Variants in DOK5 observed in about 807,000 individuals in gnomAD.
DOK5 encodes the protein docking protein 5.
In DOK5, 27 loss-of-function variants were observed where a neutral mutation model predicts 43.3. That is an observed-to-expected ratio of 0.62 (90% confidence interval 0.46 to 0.86). DOK5 has a LOEUF of 0.86. DOK5 is among the 40% of genes least tolerant of loss of function. The probability of loss-of-function intolerance (pLI) is 0.00; values close to 1 mark genes in which losing one functional copy is unlikely to be tolerated. For synonymous variants in DOK5, 146 were observed against 140.1 expected (o/e 1.04, Z -0.30); for missense variants, 373 against 392.9 (o/e 0.95, Z 0.43).
chr20:54,541,922 T>C lies in DOK5; in HGVS notation c.67-13011T>C, dbSNP rs1984174545. ...GAGCCCACCTCCCTCACATATCCAC[T>C]CTGTTGATTGCCTTGTCTCTTTCAA... is the stretch of plus-strand genomic sequence containing the variant. On this transcript the variant is annotated intron_variant, in intron 1 of 7. Coordinates refer to ENST00000262593, the MANE Select transcript of DOK5 (RefSeq NM_018431.5). Among the ~76,000 whole-genome samples, 4 of 152,130 alleles carry C rather than the reference T, an allele frequency of 2.6e-5. No individual in the cohort carries two copies. In the South Asian group the frequency reaches 8.3e-4, roughly 32 times the overall value.
rs550943378 is a variant in DOK5 at position 54,645,925 on chromosome 20, C to CAAAAAAAAAAAAAAAAAAAAAA, written c.856+2357_856+2378dup. ...AGAGCATGGCACATAGCAGATGCTG[C>CAAAAAAAAAAAAAAAAAAAAAA]AAAAAAAAAAAAAAAAAAAAAAAAA... On this transcript the variant is annotated intron_variant, in intron 7 of 7. Coordinates refer to ENST00000262593, the MANE Select transcript of DOK5 (RefSeq NM_018431.5). 2.3e-4 allele frequency among the ~76,000 whole-genome samples: 20 copies of CAAAAAAAAAAAAAAAAAAAAAA among 85,876 alleles called. 2 individuals carry two copies. The highest frequency in any genetic ancestry group is 6.0e-4 in the African/African-American group (14 of 23,150). 56.3% of individuals were successfully genotyped at this position (85,876 alleles called of 152,430 possible). A position where few individuals can be genotyped will look rare whatever the true frequency, so the allele number is the denominator to read the frequency against.
rs775553407 is a variant in DOK5, at chr20:54,610,519, C to G, written c.731C>G (p.Ser244Trp). ...HERLLQSVKN[S>W]MLQMKMSERA... ...CGCTTGCTACAGAGTGTGAAAAACT[C>G]GATGGTACGTTTGGAATTTCTTCCT... is the stretch of plus-strand genomic sequence containing the variant. Residue 244 changes from serine (S) to tryptophan (W), a missense_variant, in exon 6 of 8, where the codon TCG becomes TGG. Coordinates refer to ENST00000262593, the MANE Select transcript of DOK5 (RefSeq NM_018431.5). 1 of 1,494,544 alleles carries G rather than the reference C, an allele frequency of 6.7e-7. No individual in the cohort carries two copies. The highest frequency in any genetic ancestry group is 8.9e-7 in the Non-Finnish European group (1 of 1,117,808). The allele number at this position is 1,494,544 out of a possible 1,614,324, so 92.6% of individuals were successfully genotyped here.
At chr20:54,534,400 G>A (rs1983882693) in intron 1 of DOK5, among the ~76,000 whole-genome samples, 1 of 152,156 alleles carries the variant, frequency 6.6e-6, no homozygotes, top group Non-Finnish European at 1.5e-5. Context: ...TGTTGTCCAG[G>A]CTGGTCTTGA....
chr20:54,542,097 G>GACAC, intron 1 of DOK5, among the ~76,000 whole-genome samples: 1 of 107,450 alleles, frequency 9.3e-6, no homozygotes, highest in Non-Finnish European at 1.7e-5. Context: ...CATATTATAA[G>GACAC]ATACACACAC....
intron 6 of DOK5, among the ~76,000 whole-genome samples, chr20:54,637,958 T>TA (rs1376393287): frequency 6.6e-6 from 1 of 152,044 alleles, no homozygotes; most frequent in African/African-American, 2.4e-5. Context: ...CCGTCTCTAC[T>TA]AAAAATACAA....
intron 5 of DOK5, among the ~76,000 whole-genome samples, chr20:54,598,019 T>C (rs1256912344): frequency 6.6e-6 from 1 of 152,204 alleles, no homozygotes; most frequent in Non-Finnish European, 1.5e-5. Flanking sequence ...TAAATGTTCT[T>C]AGTTTGACTT....
chr20:54,495,436 A>T (rs1600661338), intron 1 of DOK5, among the ~76,000 whole-genome samples: 1 of 152,344 alleles, frequency 6.6e-6, no homozygotes, highest in African/African-American at 2.4e-5. Context: ...GTATTTGGCC[A>T]TCAAGTAGCC....
At chr20:54,478,483 G>T (rs1470486798) in intron 1 of DOK5, among the ~76,000 whole-genome samples, 1 of 152,194 alleles carries the variant, frequency 6.6e-6, no homozygotes, top group Non-Finnish European at 1.5e-5. Flanking sequence ...GTTGAAATAT[G>T]TGCTGAACTA....
chr20:54,637,766 A>T (rs978136636), intron 6 of DOK5, among the ~76,000 whole-genome samples: 1 of 152,348 alleles, frequency 6.6e-6, no homozygotes, highest in South Asian at 2.1e-4. Flanking sequence ...CATTCATCAC[A>T]CATTTGTTAA....
At chr20:54,491,059 G>C (rs1446407348) in intron 1 of DOK5, among the ~76,000 whole-genome samples, 1 of 152,222 alleles carries the variant, frequency 6.6e-6, no homozygotes, top group African/African-American at 2.4e-5. Flanking sequence ...CCAGGGAACT[G>C]TTTGACCATC....
chr20:54,620,098 G>A (rs773044150), intron 6 of DOK5, among the ~76,000 whole-genome samples: 2 of 152,054 alleles, frequency 1.3e-5, no homozygotes, highest in Non-Finnish European at 2.9e-5. Flanking sequence ...TCCCCCTCCT[G>A]AATTAAGCCC....
intron 2 of DOK5, among the ~76,000 whole-genome samples, chr20:54,564,621 G>C (rs1040568609): frequency 8.6e-5 from 13 of 151,978 alleles, no homozygotes; most frequent in African/African-American, 3.1e-4. Flanking sequence ...CAAAATCAGA[G>C]AGAGAGAAAA....
At chr20:54,531,577 C>T (rs1983771692) in intron 1 of DOK5, among the ~76,000 whole-genome samples, 1 of 152,166 alleles carries the variant, frequency 6.6e-6, no homozygotes, top group Admixed American at 6.5e-5. Context: ...CTCTTGCCTC[C>T]ACGTATTACT....
At chr20:54,538,335 A>G (rs976747398) in intron 1 of DOK5, among the ~76,000 whole-genome samples, 6 of 152,166 alleles carry the variant, frequency 3.9e-5, no homozygotes, top group African/African-American at 1.4e-4. Context: ...GTGCTAAGAG[A>G]AAAGAACTGT....
intron 2 of DOK5, 158 bp downstream of exon 2, chr20:54,555,198 C>G (rs1184214129): frequency 1.0e-5 from 6 of 594,716 alleles, no homozygotes; most frequent in Admixed American, 2.9e-5. Flanking sequence ...CTAATTGTTT[C>G]AAGTAATTGA....
At chr20:54,493,758 G>A (rs897352609) in intron 1 of DOK5, among the ~76,000 whole-genome samples, 2 of 151,856 alleles carry the variant, frequency 1.3e-5, no homozygotes, top group Non-Finnish European at 2.9e-5. Flanking sequence ...GCAACATAAC[G>A]AGACCCTCGT....
chr20:54,617,012 G>C (rs1386690781), intron 6 of DOK5, among the ~76,000 whole-genome samples: 1 of 151,924 alleles, frequency 6.6e-6, no homozygotes. Context: ...GGATGGTCTC[G>C]ATCTCCTGAC....
rs557148116 is a variant in DOK5, at chr20:54,597,313, G to T, written c.599+5508G>T. On this transcript the variant is annotated intron_variant, in intron 5 of 7. Transcript: ENST00000262593. ...TTTTGATTGTCACAACCTGGGCAGG[G>T]GGTGTTACTGGCATCTAGTGCATAA... Among the ~76,000 whole-genome samples the T allele has an allele frequency of 4.4e-4, 67 of 152,248 alleles. No homozygotes were observed. The South Asian group carries it at 0.013, about 30-fold the overall frequency.
intron 1 of DOK5, among the ~76,000 whole-genome samples, chr20:54,541,692 C>T (rs977339827): frequency 2.0e-5 from 3 of 152,108 alleles, no homozygotes; most frequent in Non-Finnish European, 4.4e-5. Flanking sequence ...CTGCCTGGGC[C>T]TCCTAAAGTG....
Sources: allele counts gnomAD v4.1 joint callset (sites outside exome capture counted in the v4.1 genomes callset), GRCh38; gene constraint gnomAD v4.1.1; transcripts MANE v1.5; gene names NCBI Gene and HGNC (gene_info 2026-07-23, HGNC 2026-07-21).